FLT3: variants seen among roughly 807,000 people sequenced by gnomAD.
FLT3 encodes the protein receptor-type tyrosine-protein kinase FLT3.
FLT3 carries 46 observed loss-of-function variants against 126.6 expected under a neutral mutation model. The ratio of observed to expected loss-of-function variants is 0.36; its 90% confidence interval spans 0.29 to 0.46. FLT3 has a LOEUF of 0.46. Ranked by LOEUF, FLT3 falls within the 20% of genes least tolerant of loss-of-function variation. The pLI is 1.00. For missense variants in FLT3, 1,069 were observed against 1,190.3 expected, an observed-to-expected ratio of 0.90 and a Z score of 1.50; for synonymous variants, 404 against 434.4, an observed-to-expected ratio of 0.93 and a Z score of 0.87.
chr13:28,097,460 T>G (rs1879533570), intron 1 of FLT3, among the ~76,000 whole-genome samples: 1 of 152,204 alleles, frequency 6.6e-6, no homozygotes, highest in Non-Finnish European at 1.5e-5. Context: ...AACAAATATT[T>G]ACCAATAGCT....
At position 28,057,445 on chromosome 13, in the gene FLT3, AC is replaced by A; in HGVS notation, c.385del (p.Val129SerfsTer3). On this transcript the variant is annotated frameshift_variant, in exon 4 of 24. Transcript: ENST00000241453. LOFTEE classifies it high-confidence loss of function. ...TTGGGTTTCTGTCATTTTCAAAATG[AC>A]CATGGAAACAACTCCTCTGCAAAAC... ...DLQNRGVVSMVILKMTETQAG... is the reference protein window; with the variant it reads ...DLQNRGVVSMXILKMTETQAG... 2.6e-6 allele frequency: 4 copies of A among 1,532,372 alleles called. No individual in the cohort carries two copies. The highest frequency in any genetic ancestry group is 1.4e-5 in the African/African-American group (1 of 73,482). 94.9% of individuals were successfully genotyped at this position (1,532,372 alleles called of 1,614,324 possible). A position where few individuals can be genotyped will look rare whatever the true frequency, so the allele number is the denominator to read the frequency against.
intron 1 of FLT3, among the ~76,000 whole-genome samples, chr13:28,077,774 C>T (rs1397294162): frequency 2.6e-5 from 4 of 152,154 alleles, no homozygotes; most frequent in Admixed American, 2.6e-4. Flanking sequence ...GTCCCTTCCA[C>T]CTATGAGCCT....
At chr13:28,061,809 T>G in intron 3 of FLT3, 58 bp downstream of exon 3, 1 of 1,419,826 alleles carries the variant, frequency 7.0e-7, no homozygotes, top group Non-Finnish European at 9.9e-7. Context: ...GAACAGAAAC[T>G]TGAAACAAAA....
intron 9 of FLT3, among the ~76,000 whole-genome samples, chr13:28,046,886 G>A (rs1874933210): frequency 6.6e-6 from 1 of 151,978 alleles, no homozygotes; most frequent in African/African-American, 2.4e-5. Flanking sequence ...GTGACCCACC[G>A]AGCCCGGCCA....
At chr13:28,016,833 G>T (rs1014208891) in intron 20 of FLT3, among the ~76,000 whole-genome samples, 5 of 152,204 alleles carry the variant, frequency 3.3e-5, no homozygotes, top group African/African-American at 9.7e-5. Flanking sequence ...AGTAGGAGTA[G>T]ATCGTAAATC....
Position 28,028,233 on chromosome 13 carries a change from G to T in FLT3, c.1998C>A (p.Thr666=), listed in dbSNP as rs770523096. Residue 666 remains threonine (T), a synonymous_variant, in exon 16 of 24, where the codon ACC becomes ACA. Transcript: ENST00000241453. ...CAATATTCTCGTGGCTTCCCAGCTG[G>T]GTCATCATCTTGAGTTCTGACATGA... is the stretch of plus-strand genomic sequence containing the variant. ...EALMSELKMM[T]QLGSHENIVN... 6.2e-7 allele frequency: 1 copy of T among 1,612,284 alleles called. No individual in the cohort carries two copies. The highest frequency in any genetic ancestry group is 2.2e-5 in the East Asian group (1 of 44,872).
intron 1 of FLT3, among the ~76,000 whole-genome samples, chr13:28,091,207 C>CTTTTTTTTTTTTTTTTTTTTTTT (rs572410744): frequency 2.7e-5 from 1 of 36,580 alleles, no homozygotes; most frequent in African/African-American, 1.1e-4. Flanking sequence ...GCCCCATTTT[C>CTTTTTTTTTTTTTTTTTTTTTTT]TTTTTTTTTT....
At chr13:28,010,126 C>T (rs1016845560) in intron 23 of FLT3, among the ~76,000 whole-genome samples, 2 of 152,084 alleles carry the variant, frequency 1.3e-5, no homozygotes, top group African/African-American at 4.8e-5. Context: ...TTTCTCATTC[C>T]AGAAATGTTT....
intron 1 of FLT3, among the ~76,000 whole-genome samples, chr13:28,092,404 C>A (rs1264864908): frequency 2.0e-5 from 3 of 151,844 alleles, no homozygotes; most frequent in Non-Finnish European, 2.9e-5. Flanking sequence ...TCTCGCTCTA[C>A]CACCCAGGCT....
chr13:28,073,590 T>C (rs1877717601), intron 1 of FLT3, among the ~76,000 whole-genome samples: 1 of 152,064 alleles, frequency 6.6e-6, no homozygotes, highest in Admixed American at 6.6e-5. Flanking sequence ...ATTAAAAGTA[T>C]ACAATTTAGT....
At chr13:28,063,415 G>T (rs1441869678) in intron 2 of FLT3, among the ~76,000 whole-genome samples, 1 of 152,172 alleles carries the variant, frequency 6.6e-6, no homozygotes, top group Non-Finnish European at 1.5e-5. Flanking sequence ...GGGAGATGGA[G>T]GTTGCAATGA....
chr13:28,043,927 T>C (rs1035979239), intron 9 of FLT3, among the ~76,000 whole-genome samples: 4 of 151,484 alleles, frequency 2.6e-5, no homozygotes, highest in African/African-American at 4.9e-5. Context: ...CTGGCCAACA[T>C]GGTGAAACCC....
chr13:28,028,682 A>G (rs1446343422), intron 15 of FLT3, among the ~76,000 whole-genome samples: 1 of 152,134 alleles, frequency 6.6e-6, no homozygotes, highest in Non-Finnish European at 1.5e-5. Context: ...GGGCAACAAG[A>G]GTGAAACTCC....
chr13:28,061,051 C>A (rs1876509413), intron 3 of FLT3, among the ~76,000 whole-genome samples: 1 of 151,878 alleles, frequency 6.6e-6, no homozygotes, highest in Admixed American at 6.6e-5. Context: ...AATTGATGAA[C>A]CAATTTTAAA....
intron 3 of FLT3, among the ~76,000 whole-genome samples, chr13:28,058,180 G>T (rs1876184960): frequency 7.3e-6 from 1 of 136,506 alleles, no homozygotes; most frequent in African/African-American, 2.6e-5. Context: ...GCCACATAGT[G>T]AGACCCTACC....
chr13:28,080,339 G>T (rs146958570), intron 1 of FLT3, among the ~76,000 whole-genome samples: 1 of 152,324 alleles, frequency 6.6e-6, no homozygotes, highest in Non-Finnish European at 1.5e-5. Flanking sequence ...TCGCACCACT[G>T]CTCTCCAGCC....
rs74760599 is a variant in FLT3, at chr13:28,009,042, T to TTATA, written c.2860-4872_2860-4869dup. On this transcript the variant is annotated intron_variant, in intron 23 of 23. Coordinates refer to ENST00000241453, the MANE Select transcript of FLT3 (RefSeq NM_004119.3). ...CCCATATTGGAGTGCAGCAGCCCAG[T>TTATA]TATAGCTCACTGCAGCCTCGACTTC... 9.8e-3 allele frequency among the ~76,000 whole-genome samples: 1,490 copies of TTATA among 152,240 alleles called. 18 individuals are homozygous for TTATA. Among genetic ancestry groups the TTATA allele is most frequent in the Middle Eastern group, 0.017 (5 of 294 alleles).
chr13:28,031,910 C>A (rs1215120344), intron 15 of FLT3, among the ~76,000 whole-genome samples: 7 of 152,066 alleles, frequency 4.6e-5, no homozygotes, highest in African/African-American at 1.7e-4. Flanking sequence ...ATGGAGAAGC[C>A]AAAGGGAGGC....
chr13:28,004,768 A>G (rs1870737138), intron 23 of FLT3, among the ~76,000 whole-genome samples: 2 of 152,240 alleles, frequency 1.3e-5, no homozygotes, highest in African/African-American at 4.8e-5. Context: ...ATCAAATCAT[A>G]GTCAAATATT....
Sources: allele counts gnomAD v4.1 joint callset (sites outside exome capture counted in the v4.1 genomes callset), GRCh38; gene constraint gnomAD v4.1.1; transcripts MANE v1.5; gene names NCBI Gene and HGNC (gene_info 2026-07-23, HGNC 2026-07-21).